The following RIMS2 variants were observed in gnomAD, a reference collection of about 807,000 sequenced individuals.
RIMS2 encodes the protein regulating synaptic membrane exocytosis protein 2.
Under a neutral mutation model 174.4 loss-of-function variants are expected in RIMS2, and 59 were observed. The ratio of observed to expected loss-of-function variants is 0.34; its 90% confidence interval spans 0.27 to 0.42. The LOEUF (loss-of-function observed/expected upper bound fraction) is 0.42, where lower values mean the gene tolerates loss of function less well. Among genes scored for constraint, RIMS2 ranks in the 10% least tolerant of loss-of-function variants. The probability of loss-of-function intolerance (pLI) is 1.00; values close to 1 mark genes in which losing one functional copy is unlikely to be tolerated. For synonymous variants in RIMS2, 606 were observed against 572.5 expected, an observed-to-expected ratio of 1.06 and a Z score of -0.84; for missense variants, 1,620 against 1,666.3, an observed-to-expected ratio of 0.97 and a Z score of 0.48.
intron 19 of RIMS2, among the ~76,000 whole-genome samples, chr8:104,136,928 C>A (rs1403989426): frequency 1.3e-5 from 2 of 152,050 alleles, no homozygotes; most frequent in Non-Finnish European, 2.9e-5. Flanking sequence ...ACAACCTGCA[C>A]TTGTACCCCG....
At chr8:103,873,526 A>G (rs1222460395) in intron 3 of RIMS2, among the ~76,000 whole-genome samples, 1 of 152,034 alleles carries the variant, frequency 6.6e-6, no homozygotes, top group Non-Finnish European at 1.5e-5. Context: ...TGGCCAAGGG[A>G]TAGTTTACTG....
chr8:103,714,021 G>A (rs188309709), intron 2 of RIMS2, among the ~76,000 whole-genome samples: 48 of 152,190 alleles, frequency 3.2e-4, no homozygotes, highest in African/African-American at 1.1e-3. Flanking sequence ...CCTTTATGAT[G>A]CTTTCTTTGG....
At position 103,801,077 on chromosome 8, in the gene RIMS2, C is replaced by T. The variant is rs138494753; in HGVS notation, c.698+34540C>T. On this transcript the variant is annotated intron_variant, in intron 3 of 23. Transcript: ENST00000504942. ...GCATGATCTCCGCTCACTGCAATCT[C>T]CGCCTTTGGCAATTCTCCTGCATCA... Among the ~76,000 whole-genome samples, 36 of 152,254 alleles carry T rather than the reference C, an allele frequency of 2.4e-4. 1 individual carries two copies. The East Asian group carries it at 5.4e-3, about 23-fold the overall frequency.
intron 1 of RIMS2, among the ~76,000 whole-genome samples, chr8:103,571,573 G>A (rs11784855): frequency 0.12 from 17,662 of 150,684 alleles, 1,365 homozygotes; most frequent in Non-Finnish European, 0.17. Context: ...ATGTATATTT[G>A]TGTGTATATG....
intron 3 of RIMS2, among the ~76,000 whole-genome samples, chr8:103,835,841 A>G (rs1008420387): frequency 1.3e-5 from 2 of 152,340 alleles, no homozygotes; most frequent in Admixed American, 6.5e-5. Flanking sequence ...ATCAGAGTAT[A>G]TTGAGAATAT....
At chr8:103,793,106 A>T (rs1024656056) in intron 3 of RIMS2, among the ~76,000 whole-genome samples, 1 of 152,228 alleles carries the variant, frequency 6.6e-6, no homozygotes, top group African/African-American at 2.4e-5. Context: ...TTCTGATACC[A>T]AAGCCAGGCA....
In RIMS2 at chr8:103,691,522, T is replaced by G. The variant is rs188602882; in HGVS notation, c.177-5564T>G. On this transcript the variant is annotated intron_variant, in intron 1 of 23. Coordinates refer to ENST00000504942, the Ensembl canonical transcript of RIMS2. Reference sequence around the variant, plus strand: ...CATTTTTCAACTCTAGAATTTCTACTTGATTCTTTTACGTTATTTCAATCT... The same window carrying G: ...CATTTTTCAACTCTAGAATTTCTACGTGATTCTTTTACGTTATTTCAATCT... Among the ~76,000 whole-genome samples the G allele has an allele frequency of 2.7e-3, 416 of 152,366 alleles. 2 individuals are homozygous for G. Among genetic ancestry groups the G allele is most frequent in the Non-Finnish European group, 3.5e-3 (239 of 68,030 alleles).
intron 14 of RIMS2, among the ~76,000 whole-genome samples, chr8:103,958,595 T>C (rs1195377840): frequency 6.6e-6 from 1 of 152,166 alleles, no homozygotes; most frequent in Non-Finnish European, 1.5e-5. Context: ...GAAAAAATGC[T>C]ATTCATAAAG....
chr8:103,885,217 A>G (rs2099192740), intron 3 of RIMS2, 81 bp from the exon 7 acceptor site: 4 of 1,455,090 alleles, frequency 2.7e-6, no homozygotes, highest in South Asian at 1.5e-5. Context: ...TTAGTTATCC[A>G]TCAACCTGCC....
At chr8:103,570,553 G>A (rs1040506120) in intron 1 of RIMS2, among the ~76,000 whole-genome samples, 1 of 152,108 alleles carries the variant, frequency 6.6e-6, no homozygotes, top group Admixed American at 6.6e-5. Flanking sequence ...GGGTGGAAAA[G>A]GTCGATAATG....
At chr8:103,707,532 G>A (rs1337708805) in intron 2 of RIMS2, among the ~76,000 whole-genome samples, 1 of 152,190 alleles carries the variant, frequency 6.6e-6, no homozygotes, top group Non-Finnish European at 1.5e-5. Context: ...TCGCGATCCA[G>A]CCCTGGTGGA....
At chr8:103,570,319 ATAGAGT>A (rs1217095423) in intron 1 of RIMS2, among the ~76,000 whole-genome samples, 1 of 152,248 alleles carries the variant, frequency 6.6e-6, no homozygotes, top group Non-Finnish European at 1.5e-5. Context: ...CAATTAAAAA[ATAGAGT>A]TAGAATTGAA....
At chr8:103,527,487 T>G (rs943093639) in intron 1 of RIMS2, among the ~76,000 whole-genome samples, 4 of 152,156 alleles carry the variant, frequency 2.6e-5, no homozygotes, top group African/African-American at 9.7e-5. Flanking sequence ...GTGTGCTGCA[T>G]GCATTAATTC....
intron 3 of RIMS2, among the ~76,000 whole-genome samples, chr8:103,837,988 C>T (rs1426854779): frequency 2.7e-5 from 4 of 149,610 alleles, no homozygotes; most frequent in African/African-American, 9.9e-5. Flanking sequence ...CAGGATCCAG[C>T]CAGGCTGGAG....
intron 19 of RIMS2, among the ~76,000 whole-genome samples, chr8:104,058,381 C>T (rs1444786431): frequency 1.3e-5 from 2 of 149,578 alleles, no homozygotes; most frequent in South Asian, 4.3e-4. Context: ...TGAGAAGTGT[C>T]TGTTCATATC....
At chr8:103,564,765 C>A (rs1295238524) in intron 1 of RIMS2, among the ~76,000 whole-genome samples, 1 of 152,224 alleles carries the variant, frequency 6.6e-6, no homozygotes, top group East Asian at 1.9e-4. Context: ...GAGGGTGGGT[C>A]TCCCTCTCCC....
intron 19 of RIMS2, among the ~76,000 whole-genome samples, chr8:104,100,950 T>C (rs200043901): frequency 7.6e-6 from 1 of 131,136 alleles, no homozygotes; most frequent in Non-Finnish European, 1.6e-5. Flanking sequence ...TATTATATAG[T>C]ATATATGATA....
At chr8:104,255,658 G>A (rs1373180193), downstream of RIMS2, 1 of 152,198 alleles carries the variant, frequency 6.6e-6, no homozygotes. Context: ...CACCAAAGCT[G>A]TCTGCCTACT....
chr8:104,090,091 A>G (rs1351658287), intron 19 of RIMS2, among the ~76,000 whole-genome samples: 1 of 151,528 alleles, frequency 6.6e-6, no homozygotes, highest in Non-Finnish European at 1.5e-5. Context: ...ACACACACAC[A>G]GAGCCCAATG....
Sources: gnomAD v4.1 joint callset for allele counts (sites outside exome capture counted in the v4.1 genomes callset) on GRCh38, gnomAD v4.1.1 for gene constraint, MANE v1.5 for transcripts, NCBI Gene and HGNC (gene_info 2026-07-23, HGNC 2026-07-21) for gene names.